The following NACC2 variants were observed in gnomAD, a reference collection of about 807,000 sequenced individuals.
The protein encoded by NACC2 is NACC family member 2, also known as nucleus accumbens-associated protein 2.
A neutral mutation model predicts 25.1 loss-of-function variants in NACC2; 8 were observed. The observed-to-expected ratio is 0.32, with a 90% CI of 0.19 to 0.57. The LOEUF is 0.57. Among genes scored for constraint, NACC2 ranks in the 20% least tolerant of loss-of-function variants. The pLI, the probability that NACC2 is intolerant of heterozygous loss-of-function variation, is 0.89. For synonymous variants in NACC2, 435 were observed against 294.7 expected (o/e 1.48, Z -4.88); for missense variants, 644 against 650.2 (o/e 0.99, Z 0.10).
Position 136,022,862 on chromosome 9 carries a change from G to A in NACC2, c.887-6433C>T, listed in dbSNP as rs1044221734. Among the ~76,000 whole-genome samples the A allele has an allele frequency of 1.3e-5, 2 of 151,352 alleles. No individual in the cohort carries two copies. The highest frequency in any genetic ancestry group is 2.4e-5 in the African/African-American group (1 of 41,168). On this transcript the variant is annotated intron_variant, in intron 2 of 5. Transcript: ENST00000277554. This position sits in a 1 kb window ranked among gnomAD's most constrained non-coding sequence, Gnocchi z 4.4. ...GGTGCCACCAATTTAATCATGCCAC[G>A]CCATAACTGGGAAGGCAAACCATCA...
At position 136,006,975 on chromosome 9, in the gene NACC2, T is replaced by C. The variant is rs1048396778; in HGVS notation, c.*4541A>G. On this transcript the variant is annotated 3_prime_UTR_variant, in exon 6 of 6. Transcript: ENST00000277554. ...ACTCTTTAAAACAACCGTCTCCTTTTTAAAAGTCTCTTTTTTCCAAACATT... is the reference window on the plus strand; with the variant it reads ...ACTCTTTAAAACAACCGTCTCCTTTCTAAAAGTCTCTTTTTTCCAAACATT... 10 of 153,940 alleles carry C rather than the reference T, an allele frequency of 6.5e-5. No homozygotes were observed. The highest frequency in any genetic ancestry group is 2.2e-4 in the African/African-American group (9 of 41,536). 9.5% of individuals were successfully genotyped at this position (153,940 alleles called of 1,614,324 possible).
chr9:136,067,314 G>T (rs1841096877), intron 1 of NACC2, among the ~76,000 whole-genome samples: 1 of 152,040 alleles, frequency 6.6e-6, no homozygotes, highest in East Asian at 1.9e-4. Flanking sequence ...CGGGAGCAGT[G>T]GGGGTGGGGG....
In NACC2 at chr9:136,050,109, G is replaced by T. The variant is rs1251800159; in HGVS notation, c.413C>A (p.Ala138Asp). The change falls in exon 2 of 6, where the codon GCC becomes GAC. Residue 138 changes from alanine (A) to aspartate (D), a missense_variant. Transcript: ENST00000277554. Reference sequence around the variant, plus strand: ...GCAGGGGCTCTGGGGCTCGGAGCCGGCGTCCTCGATCACAGCGGTCTGCGA... The same window carrying T: ...GCAGGGGCTCTGGGGCTCGGAGCCGTCGTCCTCGATCACAGCGGTCTGCGA... ...CDSQTAVIED[A>D]GSEPQSPCNQ... 8 of 754,872 alleles carry T rather than the reference G, an allele frequency of 1.1e-5. No homozygotes were observed. In the East Asian group the frequency reaches 1.7e-4, roughly 16 times the overall value. The allele number at this position is 754,872 out of a possible 1,614,324, so 46.8% of individuals were successfully genotyped here.
chr9:136,087,214 C>A (rs1269137006), intron 1 of NACC2, among the ~76,000 whole-genome samples: 1 of 152,218 alleles, frequency 6.6e-6, no homozygotes, highest in African/African-American at 2.4e-5. Flanking sequence ...CTGGAGGAAC[C>A]AGCCCTGAAG....
intron 1 of NACC2, among the ~76,000 whole-genome samples, chr9:136,052,301 A>G (rs1426241877): frequency 2.0e-5 from 3 of 152,200 alleles, no homozygotes; most frequent in Admixed American, 1.3e-4. Context: ...GCAGTTTTGC[A>G]TATGAATTAC....
chr9:136,058,507 C>T (rs1840962083), intron 1 of NACC2, among the ~76,000 whole-genome samples: 1 of 152,214 alleles, frequency 6.6e-6, no homozygotes, highest in South Asian at 2.1e-4. Context: ...CCTGGGCTTT[C>T]TCAGCTCTTC....
intron 2 of NACC2, among the ~76,000 whole-genome samples, chr9:136,034,851 T>C (rs10116614): frequency 0.4 from 60,697 of 151,978 alleles, 12,460 homozygotes; most frequent in East Asian, 0.62. Context: ...CCCAGCATTT[T>C]GGAAGGCACT....
At chr9:136,026,439 A>G (rs754706322) in intron 2 of NACC2, among the ~76,000 whole-genome samples, 1 of 152,054 alleles carries the variant, frequency 6.6e-6, no homozygotes, top group Non-Finnish European at 1.5e-5. Flanking sequence ...GGAAAGCCTA[A>G]CATACATGTA....
At chr9:136,044,794 G>A (rs1301475383) in intron 2 of NACC2, among the ~76,000 whole-genome samples, 8 of 152,338 alleles carry the variant, frequency 5.3e-5, no homozygotes, top group South Asian at 4.1e-4. Context: ...TGTACCTTCC[G>A]GATGGGTAAT....
chr9:136,090,738 G>A (rs1335948993), intron 1 of NACC2, among the ~76,000 whole-genome samples: 1 of 152,182 alleles, frequency 6.6e-6, no homozygotes, highest in Non-Finnish European at 1.5e-5. Flanking sequence ...ACTATGCGGA[G>A]GCTGATGCTC....
At chr9:136,017,117 A>ACGCCAC (rs761729437) in intron 2 of NACC2, among the ~76,000 whole-genome samples, 15 of 152,178 alleles carry the variant, frequency 9.9e-5, no homozygotes, top group South Asian at 8.3e-4. Context: ...GCTGGCCGAC[A>ACGCCAC]CGCCACCGCC....
At chr9:136,044,528 C>T (rs1013297845) in intron 2 of NACC2, among the ~76,000 whole-genome samples, 4 of 152,092 alleles carry the variant, frequency 2.6e-5, no homozygotes, top group African/African-American at 7.2e-5. Context: ...CCTCTTGGGC[C>T]CCACCCTATC....
rs1160572773 is a variant in NACC2, at chr9:136,013,167, C to A, written c.1255+32G>T. Reference sequence around the variant, plus strand: ...GCTGGGATCTGAACCCAGCCCCGGCCCCACCCACCCGAGAGACCCCCAGGC... The same window carrying A: ...GCTGGGATCTGAACCCAGCCCCGGCACCACCCACCCGAGAGACCCCCAGGC... On this transcript the variant is annotated intron_variant, in intron 5 of 5. Transcript: ENST00000277554. The surrounding 1 kb of genome is among the most constrained non-coding windows in gnomAD (Gnocchi z 6.6). The A allele has an allele frequency of 1.2e-6, 1 of 841,294 alleles. No individual in the cohort carries two copies. Among genetic ancestry groups the A allele is most frequent in the Non-Finnish European group, 2.0e-6 (1 of 497,324 alleles). The allele number at this position is 841,294 out of a possible 1,614,324, so 52.1% of individuals were successfully genotyped here.
At chr9:136,041,001 A>AGGAAGGAAGGAAG (rs1554738651) in intron 2 of NACC2, among the ~76,000 whole-genome samples, 8 of 139,304 alleles carry the variant, frequency 5.7e-5, no homozygotes, top group Admixed American at 1.5e-4. Flanking sequence ...AAGGAAGGAA[A>AGGAAGGAAGGAAG]GAAAGGAAGG....
chr9:136,093,594 G>A (rs1316990745), intron 1 of NACC2, among the ~76,000 whole-genome samples: 1 of 152,232 alleles, frequency 6.6e-6, no homozygotes, highest in Admixed American at 6.5e-5. Flanking sequence ...CACTCTCTGT[G>A]CCCATTCCAA....
rs997531132 is a variant in NACC2 at position 136,020,511 on chromosome 9, G to A, written c.887-4082C>T. Among the ~76,000 whole-genome samples the A allele has an allele frequency of 6.6e-6, 1 of 152,222 alleles. No homozygotes were observed. Among genetic ancestry groups the A allele is most frequent in the African/African-American group, 2.4e-5 (1 of 41,458 alleles). On this transcript the variant is annotated intron_variant, in intron 2 of 5. Transcript: ENST00000277554. This position sits in a 1 kb window ranked among gnomAD's most constrained non-coding sequence, Gnocchi z 4.7. ...TGTGGGCGGCAGTGGCGAGTGGTAGGGCCGCCTGGTGGAGCCCAGCAGAGC... is the reference window on the plus strand; with the variant it reads ...TGTGGGCGGCAGTGGCGAGTGGTAGAGCCGCCTGGTGGAGCCCAGCAGAGC...
chr9:136,023,302 C>T (rs931298721), intron 2 of NACC2, among the ~76,000 whole-genome samples: 2 of 151,744 alleles, frequency 1.3e-5, no homozygotes, highest in Non-Finnish European at 2.9e-5. Flanking sequence ...AGCTTGCTCC[C>T]GACGCGAGGG....
chr9:136,080,699 G>A (rs990421979), intron 1 of NACC2, among the ~76,000 whole-genome samples: 37 of 152,208 alleles, frequency 2.4e-4, no homozygotes, highest in Non-Finnish European at 2.9e-4. Context: ...TTTGGAGGTC[G>A]TGGAGTGTGG....
chr9:136,093,476 G>GC (rs1052947388), intron 1 of NACC2, among the ~76,000 whole-genome samples: 2 of 152,178 alleles, frequency 1.3e-5, no homozygotes, highest in African/African-American at 4.8e-5. Flanking sequence ...CTCCCGGGTG[G>GC]CTCCTCCCCG....
Sources: gnomAD v4.1 joint callset for allele counts (sites outside exome capture counted in the v4.1 genomes callset) on GRCh38, gnomAD v4.1.1 for gene constraint, Gnocchi (gnomAD v3.1) non-coding constraint, MANE v1.5 for transcripts, NCBI Gene and HGNC (gene_info 2026-07-23, HGNC 2026-07-21) for gene names.